COL22A1: variants seen among roughly 807,000 people sequenced by gnomAD.
The protein encoded by COL22A1 is collagen alpha-1(XXII) chain.
A neutral mutation model predicts 248.9 loss-of-function variants in COL22A1; 221 were observed. The ratio of observed to expected loss-of-function variants is 0.89; its 90% CI spans 0.80 to 0.99. COL22A1 has a LOEUF of 0.99. Ranked by LOEUF, COL22A1 falls within the 50% of genes least tolerant of loss-of-function variation. The pLI is 0.00. For missense variants in COL22A1, 2,240 were observed against 2,179.0 expected (o/e 1.03, Z -0.56); for synonymous variants, 891 against 793.4 (o/e 1.12, Z -2.07).
chr8:138,729,505 C>T (rs1246918468), intron 23 of COL22A1, among the ~76,000 whole-genome samples: 1 of 152,196 alleles, frequency 6.6e-6, no homozygotes, highest in African/African-American at 2.4e-5. Context: ...AAAGCCTACC[C>T]AGTCATTAAA....
At chr8:138,768,089 C>G (rs1834049235) in intron 16 of COL22A1, among the ~76,000 whole-genome samples, 1 of 152,200 alleles carries the variant, frequency 6.6e-6, no homozygotes, top group African/African-American at 2.4e-5. Flanking sequence ...ATAAATCCTC[C>G]CCACAGCCTC....
At chr8:138,734,766 G>A (rs1266081641) in intron 23 of COL22A1, among the ~76,000 whole-genome samples, 1 of 152,156 alleles carries the variant, frequency 6.6e-6, no homozygotes, top group South Asian at 2.1e-4. Context: ...CAAAGACTTG[G>A]AACCAACCCA....
chr8:138,737,376 G>T, intron 23 of COL22A1, 148 bp downstream of exon 23: 1 of 623,222 alleles, frequency 1.6e-6, no homozygotes, highest in Non-Finnish European at 2.9e-6. Context: ...GAGGGAGGGA[G>T]GACACGTGAC....
chr8:138,823,467 A>C (rs1188236208), intron 6 of COL22A1, among the ~76,000 whole-genome samples: 1 of 151,894 alleles, frequency 6.6e-6, no homozygotes, highest in African/African-American at 2.4e-5. Flanking sequence ...AGTGCAGAGG[A>C]GTGATTCAGC....
intron 56 of COL22A1, among the ~76,000 whole-genome samples, chr8:138,609,020 A>C (rs1818648860): frequency 6.6e-6 from 1 of 152,236 alleles, no homozygotes; most frequent in Admixed American, 6.5e-5. Flanking sequence ...TCCTTTAACC[A>C]AGAGGTGTGA....
chr8:138,767,752 C>A (rs528070335), intron 16 of COL22A1, among the ~76,000 whole-genome samples: 81 of 152,300 alleles, frequency 5.3e-4, no homozygotes, highest in African/African-American at 1.9e-3. Context: ...CCCCTCCAGG[C>A]CAAGGCCACT....
At chr8:138,862,697 A>T (rs1273136027) in intron 3 of COL22A1, among the ~76,000 whole-genome samples, 1 of 152,016 alleles carries the variant, frequency 6.6e-6, no homozygotes, top group Admixed American at 6.5e-5. Context: ...TCCAGTTCAC[A>T]GTAAGCCTTT....
chr8:138,603,319 C>T (rs1194060249), intron 59 of COL22A1, among the ~76,000 whole-genome samples: 3 of 152,150 alleles, frequency 2.0e-5, no homozygotes, highest in Non-Finnish European at 4.4e-5. Flanking sequence ...AAAGCTGCCT[C>T]GGTATTCCTG....
At chr8:138,710,102 A>G (rs1305382421) in intron 30 of COL22A1, among the ~76,000 whole-genome samples, 4 of 152,166 alleles carry the variant, frequency 2.6e-5, no homozygotes, top group African/African-American at 9.7e-5. Context: ...TATTTTACCT[A>G]CTTTGGCATG....
chr8:138,887,200 C>T (rs1045511494), intron 1 of COL22A1, among the ~76,000 whole-genome samples: 1 of 151,704 alleles, frequency 6.6e-6, no homozygotes, highest in Non-Finnish European at 1.5e-5. Context: ...TAGCCCCTCA[C>T]TATCCTTCCC....
At chr8:138,591,920 GT>G (rs1564070658) in intron 63 of COL22A1, among the ~76,000 whole-genome samples, 1 of 152,082 alleles carries the variant, frequency 6.6e-6, no homozygotes, top group East Asian at 1.9e-4. Context: ...CTCATATGCC[GT>G]ACACACAGAA....
At chr8:138,700,322 T>G (rs764228710) in intron 31 of COL22A1, among the ~76,000 whole-genome samples, 178 bp from the exon 32 acceptor site, 1 of 152,214 alleles carries the variant, frequency 6.6e-6, no homozygotes, top group Non-Finnish European at 1.5e-5. Flanking sequence ...GGCTATTTAT[T>G]TATTAAGGCA....
intron 64 of COL22A1, among the ~76,000 whole-genome samples, chr8:138,590,290 A>G (rs1362245951): frequency 6.6e-6 from 1 of 152,198 alleles, no homozygotes; most frequent in Non-Finnish European, 1.5e-5. Flanking sequence ...TAGATATTTC[A>G]CTAACTCTAT....
intron 21 of COL22A1, among the ~76,000 whole-genome samples, chr8:138,752,889 C>A (rs771888100): frequency 6.6e-6 from 1 of 152,200 alleles, no homozygotes; most frequent in African/African-American, 2.4e-5. Flanking sequence ...GGTGCTGCTG[C>A]GGATTCAAAA....
intron 22 of COL22A1, among the ~76,000 whole-genome samples, chr8:138,744,457 T>C (rs1439173761): frequency 1.3e-5 from 2 of 151,106 alleles, no homozygotes; most frequent in Non-Finnish European, 2.9e-5. Context: ...AATTCTGATA[T>C]GCACATGGAT....
intron 11 of COL22A1, among the ~76,000 whole-genome samples, chr8:138,801,533 G>C (rs1816999025): frequency 6.6e-6 from 1 of 152,110 alleles, no homozygotes; most frequent in African/African-American, 2.4e-5. Context: ...CATCAAAAAA[G>C]ACAATGGTCA....
In COL22A1 at chr8:138,601,152, G is replaced by A. The variant is rs530688010; in HGVS notation, c.4185+963C>T. On this transcript the variant is annotated intron_variant, in intron 60 of 64. Transcript: ENST00000303045. Reference sequence around the variant, plus strand: ...ATATCCTGTGCCAGTAGCTCCCACGGCTGCCTGAGTCGCATTCTCGGGGGG... The same window carrying A: ...ATATCCTGTGCCAGTAGCTCCCACGACTGCCTGAGTCGCATTCTCGGGGGG... 4.4e-4 allele frequency among the ~76,000 whole-genome samples: 67 copies of A among 151,734 alleles called. 1 individual carries two copies. In the South Asian group the frequency reaches 0.014, roughly 32 times the overall value.
chr8:138,721,980 C>G, intron 26 of COL22A1, 56 bp downstream of exon 26: 6 of 1,314,518 alleles, frequency 4.6e-6, no homozygotes, highest in African/African-American at 4.4e-5. Context: ...TCAAGCATCT[C>G]TTTAGTTTCT....
At chr8:138,864,423 C>T (rs991155447) in intron 3 of COL22A1, among the ~76,000 whole-genome samples, 9 of 151,748 alleles carry the variant, frequency 5.9e-5, no homozygotes, top group South Asian at 4.2e-4. Flanking sequence ...GGCCAGGCCG[C>T]GGACTGGGGC....
Sources: allele counts gnomAD v4.1 joint callset (sites outside exome capture counted in the v4.1 genomes callset), GRCh38; gene constraint gnomAD v4.1.1; transcripts MANE v1.5; gene names NCBI Gene and HGNC (gene_info 2026-07-23, HGNC 2026-07-21).